MTA3: variants seen among roughly 807,000 people sequenced by gnomAD.
MTA3 encodes the protein metastasis associated 1 family member 3.
MTA3 carries 34 observed loss-of-function variants against 83.5 expected under a neutral mutation model. The observed-to-expected ratio is 0.41, with a 90% CI of 0.31 to 0.54. MTA3 has a LOEUF of 0.54. Among genes scored for constraint, MTA3 ranks in the 20% least tolerant of loss-of-function variants. The pLI, the probability that MTA3 is intolerant of heterozygous loss-of-function variation, is 0.33. For synonymous variants in MTA3, 303 were observed against 252.7 expected (o/e 1.20, Z -1.89); for missense variants, 761 against 726.4 (o/e 1.05, Z -0.55).
intron 2 of MTA3, among the ~76,000 whole-genome samples, chr2:42,520,282 T>C (rs1675359892): frequency 6.6e-6 from 1 of 152,158 alleles, no homozygotes; most frequent in South Asian, 2.1e-4. Flanking sequence ...CCCGTTCTTT[T>C]CCAATTGTCC....
In MTA3 at chr2:42,755,074, G is replaced by A. The variant is rs1670150739; in HGVS notation, c.*1675G>A. ...GTGAGAGGGGTGGAGGTGGCAGGCA[G>A]GGGTTCTCCTCAGGGTTCCCACTGA... On this transcript the variant is annotated 3_prime_UTR_variant, in exon 17 of 17. Transcript: ENST00000405094. 2 of 985,448 alleles carry A rather than the reference G, an allele frequency of 2.0e-6. No homozygotes were observed. The highest frequency in any genetic ancestry group is 9.4e-5 in the South Asian group (2 of 21,292). 61.0% of individuals were successfully genotyped at this position (985,448 alleles called of 1,614,324 possible).
intron 16 of MTA3, among the ~76,000 whole-genome samples, chr2:42,730,239 C>T (rs1381627107): frequency 6.6e-6 from 1 of 152,092 alleles, no homozygotes; most frequent in Non-Finnish European, 1.5e-5. Flanking sequence ...GTAGCTAGAA[C>T]TTCCAGTACT....
chr2:42,600,813 T>C (rs1422170738), intron 3 of MTA3, among the ~76,000 whole-genome samples: 1 of 152,196 alleles, frequency 6.6e-6, no homozygotes, highest in Non-Finnish European at 1.5e-5. Flanking sequence ...AGTTCTGGGA[T>C]TACAGACGTA....
At position 42,755,107 on chromosome 2, in the gene MTA3, C is replaced by T. The variant is rs1361789379; in HGVS notation, c.*1708C>T. The T allele has an allele frequency of 1.4e-5, 14 of 985,354 alleles. No individual in the cohort carries two copies. The highest frequency in any genetic ancestry group is 1.7e-5 in the Non-Finnish European group (14 of 830,042). The allele number at this position is 985,354 out of a possible 1,614,324, so 61.0% of individuals were successfully genotyped here. ...CCTCAGGGTTCCCACTGAGGGGTCC[C>T]TTCAGCAAAGACCTGGGAGGAGGTG... On this transcript the variant is annotated 3_prime_UTR_variant, in exon 17 of 17. Transcript: ENST00000405094.
At chr2:42,550,134 A>C (rs1677046861) in intron 2 of MTA3, among the ~76,000 whole-genome samples, 1 of 152,166 alleles carries the variant, frequency 6.6e-6, no homozygotes, top group Non-Finnish European at 1.5e-5. Context: ...AAAAAACTGC[A>C]AGCTGAGGTT....
At chr2:42,731,478 A>G (rs1668224778) in intron 16 of MTA3, among the ~76,000 whole-genome samples, 2 of 152,240 alleles carry the variant, frequency 1.3e-5, no homozygotes, top group South Asian at 4.1e-4. Flanking sequence ...TGGCAGCAAG[A>G]GAAAATGAGG....
intron 3 of MTA3, among the ~76,000 whole-genome samples, chr2:42,591,149 T>A (rs1346088273): frequency 3.9e-5 from 6 of 152,206 alleles, no homozygotes; most frequent in Non-Finnish European, 7.3e-5. Flanking sequence ...CTATGTGGTA[T>A]AGCCTATTTG....
At chr2:42,712,643 T>C (rs565412725) in intron 14 of MTA3, 7 of 152,288 alleles carry the variant, frequency 4.6e-5, no homozygotes, top group African/African-American at 1.7e-4. Flanking sequence ...TAAAAATGGA[T>C]TGGTAGACCA....
chr2:42,632,545 C>T (rs1037519556), intron 4 of MTA3, among the ~76,000 whole-genome samples: 1 of 152,160 alleles, frequency 6.6e-6, no homozygotes, highest in African/African-American at 2.4e-5. Flanking sequence ...CTTTTTGGAA[C>T]ATTTCACTTT....
At chr2:42,664,457 C>A (rs1408604578) in intron 8 of MTA3, among the ~76,000 whole-genome samples, 1 of 147,888 alleles carries the variant, frequency 6.8e-6, no homozygotes, top group Non-Finnish European at 1.5e-5. Context: ...ACCCCCTCAC[C>A]CCGCTTACCT....
At chr2:42,644,536 A>C (rs1405159762) in intron 6 of MTA3, among the ~76,000 whole-genome samples, 1 of 152,184 alleles carries the variant, frequency 6.6e-6, no homozygotes, top group Non-Finnish European at 1.5e-5. Context: ...CAATTTTAGA[A>C]TTACAAAATT....
At chr2:42,598,215 GCCA>G (rs1227497157) in intron 3 of MTA3, among the ~76,000 whole-genome samples, 1 of 151,942 alleles carries the variant, frequency 6.6e-6, no homozygotes, top group East Asian at 1.9e-4. Context: ...TGGGACTATT[GCCA>G]CCACACCCAG....
At chr2:42,716,818 A>G (rs1056345045) in intron 14 of MTA3, among the ~76,000 whole-genome samples, 2 of 152,188 alleles carry the variant, frequency 1.3e-5, no homozygotes, top group Non-Finnish European at 2.9e-5. Context: ...TTTATGATAG[A>G]ATGATTTATA....
chr2:42,494,872 A>T lies in MTA3; in HGVS notation c.-367A>T, dbSNP rs574184517. The T allele has an allele frequency of 4.6e-5, 7 of 152,428 alleles. No homozygotes were observed. In the East Asian group the frequency reaches 7.7e-4, roughly 17 times the overall value. 9.4% of individuals were successfully genotyped at this position (152,428 alleles called of 1,614,324 possible). ...GGGAAGAGCCCCGTGAAGGCTCCGC[A>T]GAGCGATCTACCCCGCGCTCTTGTC... On this transcript the variant is annotated 5_prime_UTR_variant, in exon 1 of 18. Coordinates refer to the MTA3 transcript ENST00000405592.
At chr2:42,546,388 T>C (rs116741506) in intron 2 of MTA3, among the ~76,000 whole-genome samples, 1,961 of 152,234 alleles carry the variant, frequency 0.013, 41 homozygotes, top group African/African-American at 0.044. Context: ...TCTGCTCTAC[T>C]TGGTTTTCTG....
intron 8 of MTA3, among the ~76,000 whole-genome samples, chr2:42,678,714 G>A (rs867741578): frequency 2.6e-5 from 4 of 152,124 alleles, no homozygotes; most frequent in Admixed American, 2.6e-4. Context: ...TCTAAATACT[G>A]CCGTTACTCG....
chr2:42,556,021 G>A (rs1333497162), intron 2 of MTA3, among the ~76,000 whole-genome samples: 4 of 150,144 alleles, frequency 2.7e-5, no homozygotes, highest in African/African-American at 7.4e-5. Context: ...GCAGTGAGCC[G>A]ACACAGTGCC....
At chr2:42,656,563 AC>A (rs1159292486) in intron 7 of MTA3, among the ~76,000 whole-genome samples, 1 of 152,218 alleles carries the variant, frequency 6.6e-6, no homozygotes, top group Admixed American at 6.5e-5. Context: ...TGAAGAAAAT[AC>A]CTGAAGTCCC....
chr2:42,622,006 G>C lies in MTA3; in HGVS notation c.317+12422G>C, dbSNP rs1416955580. Among the ~76,000 whole-genome samples the C allele has an allele frequency of 2.8e-3, 422 of 152,184 alleles. 4 individuals carry two copies. Among genetic ancestry groups the C allele is most frequent in the African/African-American group, 9.8e-3 (408 of 41,508 alleles). ...CTCCTCACTTCCCAGACGGGGTGGC[G>C]GCCGGGCAGAGGCTGCAGTCTCGGC... On this transcript the variant is annotated intron_variant, in intron 4 of 16. Coordinates refer to ENST00000405094, the MANE Select transcript of MTA3 (RefSeq NM_001330442.2).
Sources: allele counts gnomAD v4.1 joint callset (sites outside exome capture counted in the v4.1 genomes callset), GRCh38; gene constraint gnomAD v4.1.1; transcripts MANE v1.5; gene names NCBI Gene and HGNC (gene_info 2026-07-23, HGNC 2026-07-21).